The following BLTP1 variants were observed in gnomAD, a reference collection of about 807,000 sequenced individuals.
BLTP1 encodes the protein bridge-like lipid transfer protein family member 1.
At chr4:122,203,178 G>T in the BLTP1 span, among the ~76,000 whole-genome samples, 2 of 151,826 alleles carry the variant, frequency 1.3e-5, no homozygotes, top group Non-Finnish European at 3.0e-5. Context: ...TTATCTCTCT[G>T]ATGTGAGGGA....
chr4:122,182,688 G>T, the BLTP1 span: 5 of 985,124 alleles, frequency 5.1e-6, no homozygotes, highest in Admixed American at 6.2e-5. Flanking sequence ...GGGACCATAC[G>T]AAATGTTCTG....
the BLTP1 span, chr4:122,188,125 A>G: frequency 5.7e-6 from 8 of 1,395,860 alleles, no homozygotes; most frequent in South Asian, 1.6e-5. Flanking sequence ...AAAACTTCTT[A>G]TAGGTAATAC....
At chr4:122,229,588 G>C in the BLTP1 span, 3 of 383,326 alleles carry the variant, frequency 7.8e-6, no homozygotes, top group African/African-American at 6.6e-5. Flanking sequence ...CCTGGCTCTT[G>C]AAAACATTTG....
chr4:122,201,818 A>G, the BLTP1 span: 1 of 959,240 alleles, frequency 1.0e-6, no homozygotes, highest in Non-Finnish European at 1.2e-6. Flanking sequence ...ACTGCTTGCT[A>G]CATTTATCCA....
chr4:122,271,408 T>C, the BLTP1 span: 1 of 1,613,816 alleles, frequency 6.2e-7, no homozygotes, highest in Non-Finnish European at 8.5e-7. Flanking sequence ...CTAGAGGAAG[T>C]CTTAATGGTG....
At chr4:122,196,284 T>TG in the BLTP1 span, among the ~76,000 whole-genome samples, 3 of 152,178 alleles carry the variant, frequency 2.0e-5, no homozygotes, top group Admixed American at 2.0e-4. Context: ...TCAAATTTTC[T>TG]GGGGAAGATT....
the BLTP1 span, among the ~76,000 whole-genome samples, chr4:122,354,698 GCT>G: frequency 2.1e-5 from 3 of 139,648 alleles, no homozygotes; most frequent in Non-Finnish European, 4.6e-5. Context: ...ACAGAGTCTT[GCT>G]CTGTTGCCCA....
chr4:122,315,579 C>A, the BLTP1 span: 5 of 1,614,068 alleles, frequency 3.1e-6, no homozygotes, highest in Non-Finnish European at 4.2e-6. Context: ...ACTCTTACAA[C>A]ACTGACAGGA....
the BLTP1 span, among the ~76,000 whole-genome samples, chr4:122,348,178 C>G: frequency 6.6e-6 from 1 of 152,128 alleles, no homozygotes. Context: ...ACAGGCACCC[C>G]AACCGGCATC....
the BLTP1 span, among the ~76,000 whole-genome samples, chr4:122,213,060 T>A: frequency 6.6e-6 from 1 of 152,152 alleles, no homozygotes; most frequent in Non-Finnish European, 1.5e-5. Context: ...AGAGACAGGG[T>A]CTTGCTTTGT....
the BLTP1 span, chr4:122,304,836 T>C: frequency 6.2e-7 from 1 of 1,613,968 alleles, no homozygotes; most frequent in Non-Finnish European, 8.5e-7. Context: ...CAATGAGAGC[T>C]GTAAGATTTG....
the BLTP1 span, chr4:122,362,469 C>T: frequency 2.7e-6 from 1 of 364,226 alleles, no homozygotes; most frequent in Non-Finnish European, 5.0e-6. Flanking sequence ...AAATATATAA[C>T]TGCTTGTTAT....
At chr4:122,198,739 G>T in the BLTP1 span, among the ~76,000 whole-genome samples, 1 of 152,000 alleles carries the variant, frequency 6.6e-6, no homozygotes, top group African/African-American at 2.4e-5. Context: ...ATGGACTTAG[G>T]TGTCAGGCAA....
At chr4:122,202,136 C>G in the BLTP1 span, 1 of 152,474 alleles carries the variant, frequency 6.6e-6, no homozygotes, top group Non-Finnish European at 1.5e-5. Context: ...TGACTGGGAG[C>G]CTTGGGGACT....
At chr4:122,358,642 G>A in the BLTP1 span, among the ~76,000 whole-genome samples, 3 of 152,192 alleles carry the variant, frequency 2.0e-5, no homozygotes, top group Middle Eastern at 0.01. Flanking sequence ...ACTGAACAGG[G>A]CATCTGTGTT....
chr4:122,281,334 T>A, the BLTP1 span: 24 of 974,008 alleles, frequency 2.5e-5, no homozygotes, highest in Non-Finnish European at 2.9e-5. Context: ...TCTCATATTG[T>A]TATTACTTTT....
chr4:122,347,537 C>A, the BLTP1 span: 1 of 1,613,094 alleles, frequency 6.2e-7, no homozygotes, highest in Non-Finnish European at 8.5e-7. Flanking sequence ...GGCCCAGGGA[C>A]ACCTGATTCC....
chr4:122,185,488 T>C, the BLTP1 span: 1 of 885,942 alleles, frequency 1.1e-6, no homozygotes, highest in African/African-American at 1.8e-5. Flanking sequence ...ATTCATTAAT[T>C]ACTATTGCTA....
the BLTP1 span, chr4:122,304,765 T>G: frequency 6.2e-7 from 1 of 1,604,954 alleles, no homozygotes; most frequent in Non-Finnish European, 8.5e-7. Context: ...GATTTAAGAT[T>G]CATTTTTTTC....
Sources: allele counts gnomAD v4.1 joint callset (sites outside exome capture counted in the v4.1 genomes callset), GRCh38; gene constraint gnomAD v4.1.1; transcripts MANE v1.5; gene names NCBI Gene and HGNC (gene_info 2026-07-23, HGNC 2026-07-21).